PRKG1: variants seen among roughly 807,000 people sequenced by gnomAD.
PRKG1 encodes protein kinase cGMP-dependent 1.
Under a neutral mutation model 88.1 loss-of-function variants are expected in PRKG1, and 35 were observed. That is an observed-to-expected ratio of 0.40 (90% confidence interval 0.30 to 0.53). The LOEUF is 0.53. PRKG1 is among the 20% of genes least tolerant of loss of function. The probability of loss-of-function intolerance (pLI) is 0.59; values close to 1 mark genes in which losing one functional copy is unlikely to be tolerated. For missense variants in PRKG1, 540 were observed against 839.8 expected (o/e 0.64, Z 4.41); for synonymous variants, 303 against 292.5 (o/e 1.04, Z -0.37).
chr10:51,768,615 A>G (rs2132540718), intron 3 of PRKG1, among the ~76,000 whole-genome samples: 1 of 152,286 alleles, frequency 6.6e-6, no homozygotes, highest in Non-Finnish European at 1.5e-5. Flanking sequence ...TAAAATTTGT[A>G]AAGAAAATCT....
chr10:52,238,034 A>C (rs1840738460), intron 9 of PRKG1, among the ~76,000 whole-genome samples: 1 of 115,120 alleles, frequency 8.7e-6, no homozygotes, highest in Non-Finnish European at 1.7e-5. Flanking sequence ...CAACTATCTG[A>C]TCTTTGACAA....
chr10:51,306,023 A>G (rs1841027757), intron 2 of PRKG1, among the ~76,000 whole-genome samples: 1 of 152,196 alleles, frequency 6.6e-6, no homozygotes, highest in Non-Finnish European at 1.5e-5. Context: ...GTACCATATG[A>G]CAGTTAATTC....
upstream of PRKG1, among the ~76,000 whole-genome samples, chr10:51,071,485 G>A (rs371722374): frequency 8.5e-5 from 13 of 152,218 alleles, no homozygotes; most frequent in Admixed American, 2.6e-4. Flanking sequence ...TAAAAGTCAT[G>A]TCTTTTCAGC....
intron 2 of PRKG1, among the ~76,000 whole-genome samples, chr10:51,280,388 C>A (rs549551608): frequency 6.6e-6 from 1 of 152,138 alleles, no homozygotes; most frequent in Non-Finnish European, 1.5e-5. Flanking sequence ...GTGGCATTCT[C>A]TGTATTTCCT....
chr10:52,003,077 A>T (rs1844641237), intron 5 of PRKG1, among the ~76,000 whole-genome samples: 1 of 152,158 alleles, frequency 6.6e-6, no homozygotes, highest in African/African-American at 2.4e-5. Flanking sequence ...CATGGTGTTT[A>T]AGCCTGCAAA....
chr10:51,795,050 T>G (rs1355021773), intron 3 of PRKG1, among the ~76,000 whole-genome samples: 1 of 152,146 alleles, frequency 6.6e-6, no homozygotes, highest in African/African-American at 2.4e-5. Context: ...ATATTTGTAC[T>G]AAAATCATTA....
chr10:51,161,239 T>C (rs2131988338), intron 2 of PRKG1, among the ~76,000 whole-genome samples: 1 of 152,240 alleles, frequency 6.6e-6, no homozygotes, highest in Non-Finnish European at 1.5e-5. Flanking sequence ...ACAGTTTTTT[T>C]TTTGGCTAAA....
rs1414528211 is a variant in PRKG1, at chr10:51,392,866, C to T, written c.479-74857C>T. 3.5e-5 allele frequency among the ~76,000 whole-genome samples: 5 copies of T among 141,634 alleles called. No individual in the cohort carries two copies. The East Asian group carries it at 1.0e-3, about 29-fold the overall frequency. 92.9% of individuals were successfully genotyped at this position (141,634 alleles called of 152,430 possible). A position where few individuals can be genotyped will look rare whatever the true frequency, so the allele number is the denominator to read the frequency against. On this transcript the variant is annotated intron_variant, in intron 2 of 17. Coordinates refer to ENST00000373980, the MANE Select transcript of PRKG1 (RefSeq NM_006258.4). ...GGCTGGCCGGGCTGGGGGCTGACCCCCCCACCTCCCTCCCAGACGGGGCGG... is the reference window on the plus strand; with the variant it reads ...GGCTGGCCGGGCTGGGGGCTGACCCTCCCACCTCCCTCCCAGACGGGGCGG...
At chr10:51,720,515 A>G (rs1841987976) in intron 3 of PRKG1, among the ~76,000 whole-genome samples, 1 of 152,186 alleles carries the variant, frequency 6.6e-6, no homozygotes, top group Non-Finnish European at 1.5e-5. Context: ...CAATATTCCT[A>G]TGACGAGAGT....
intron 3 of PRKG1, among the ~76,000 whole-genome samples, chr10:51,690,324 A>G (rs1234796391): frequency 4.6e-5 from 7 of 152,124 alleles, no homozygotes; most frequent in Non-Finnish European, 1.0e-4. Context: ...TTGGGTGGGG[A>G]CACATCCAAA....
At chr10:52,183,278 C>A (rs533688705) in intron 9 of PRKG1, among the ~76,000 whole-genome samples, 16 of 152,168 alleles carry the variant, frequency 1.1e-4, no homozygotes, top group Non-Finnish European at 1.8e-4. Flanking sequence ...TGAATATGGG[C>A]ATGGGGCTTT....
chr10:52,044,353 C>T (rs1216504846), intron 5 of PRKG1, among the ~76,000 whole-genome samples: 1 of 152,078 alleles, frequency 6.6e-6, no homozygotes, highest in Non-Finnish European at 1.5e-5. Flanking sequence ...GTCAATGTGT[C>T]ATTTACTTAA....
At chr10:51,747,601 C>T (rs955715995) in intron 3 of PRKG1, among the ~76,000 whole-genome samples, 8 of 152,106 alleles carry the variant, frequency 5.3e-5, no homozygotes, top group African/African-American at 1.9e-4. Flanking sequence ...TTACTGACAC[C>T]AGGTGGTTAG....
At chr10:51,058,158 C>T (rs1163607793) in intron 1 of PRKG1, among the ~76,000 whole-genome samples, 2 of 152,032 alleles carry the variant, frequency 1.3e-5, no homozygotes, top group Admixed American at 1.3e-4. Flanking sequence ...TTACGAAATG[C>T]CTGTTCAAGT....
intron 10 of PRKG1, among the ~76,000 whole-genome samples, chr10:52,257,409 T>C (rs1230105112): frequency 7.1e-6 from 1 of 139,932 alleles, no homozygotes; most frequent in East Asian, 2.1e-4. Flanking sequence ...CAGGGTCTTA[T>C]TGCGAAAGGT....
At chr10:51,986,073 T>A (rs1237859831) in intron 5 of PRKG1, among the ~76,000 whole-genome samples, 1 of 152,182 alleles carries the variant, frequency 6.6e-6, no homozygotes, top group Non-Finnish European at 1.5e-5. Context: ...TGGCTCACTC[T>A]CACTGTCCAG....
At chr10:51,690,222 A>G (rs1385877274) in intron 3 of PRKG1, among the ~76,000 whole-genome samples, 1 of 152,136 alleles carries the variant, frequency 6.6e-6, no homozygotes, top group Non-Finnish European at 1.5e-5. Flanking sequence ...GGGGATGGTG[A>G]TAAACTATTC....
chr10:51,767,332 ACTCTCT>A (rs879420701), intron 3 of PRKG1, among the ~76,000 whole-genome samples: 3 of 149,088 alleles, frequency 2.0e-5, no homozygotes, highest in Non-Finnish European at 3.0e-5. Flanking sequence ...TGTAGAATTT[ACTCTCT>A]CTCTCTCTCT....
chr10:51,715,258 TCTA>T (rs1841858382), intron 3 of PRKG1, among the ~76,000 whole-genome samples: 1 of 152,234 alleles, frequency 6.6e-6, no homozygotes, highest in Non-Finnish European at 1.5e-5. Context: ...ATTTCATTTT[TCTA>T]CTGTTTTTCA....
Sources: allele counts gnomAD v4.1 joint callset (sites outside exome capture counted in the v4.1 genomes callset), GRCh38; gene constraint gnomAD v4.1.1; transcripts MANE v1.5; gene names NCBI Gene and HGNC (gene_info 2026-07-23, HGNC 2026-07-21).